Variants in RASA3 observed in about 807,000 individuals in gnomAD.
RASA3 encodes RAS p21 protein activator 3, also known as ras GTPase-activating protein 3.
In RASA3, 73 loss-of-function variants were observed where a neutral mutation model predicts 110.0. The ratio of observed to expected loss-of-function variants is 0.66; its 90% CI spans 0.55 to 0.81. RASA3 has a LOEUF of 0.81. Ranked by LOEUF, RASA3 falls within the 30% of genes least tolerant of loss-of-function variation. The probability of loss-of-function intolerance (pLI) is 0.00; values close to 1 mark genes in which losing one functional copy is unlikely to be tolerated. For synonymous variants in RASA3, 500 were observed against 451.4 expected, an observed-to-expected ratio of 1.11 and a Z score of -1.37; for missense variants, 976 against 1,113.2, an observed-to-expected ratio of 0.88 and a Z score of 1.75.
chr13:114,031,155 A>G (rs1249543951), intron 4 of RASA3, among the ~76,000 whole-genome samples: 2 of 147,100 alleles, frequency 1.4e-5, no homozygotes, highest in Non-Finnish European at 3.0e-5. Context: ...CTGTGTGTGC[A>G]TGCAGCTGTG....
chr13:114,025,843 G>C lies in RASA3; in HGVS notation c.604-1488C>G, dbSNP rs545030036. 4.8e-3 allele frequency among the ~76,000 whole-genome samples: 726 copies of C among 152,236 alleles called. 4 individuals are homozygous for C. In the Middle Eastern group the frequency reaches 0.051, roughly 11 times the overall value. ...AGGTGGCTGTCTGACCACAGCCCGC[G>C]GGGGATGTGCTCCCTCCCCGGGGCT... is the stretch of plus-strand genomic sequence containing the variant. On this transcript the variant is annotated intron_variant, in intron 7 of 23. Transcript: ENST00000334062.
intron 3 of RASA3, among the ~76,000 whole-genome samples, chr13:114,047,018 T>TTA (rs1335838604): frequency 2.6e-5 from 4 of 152,272 alleles, no homozygotes; most frequent in East Asian, 3.9e-4. Flanking sequence ...AGGCAAGACT[T>TTA]TCTTAGACAT....
chr13:114,036,000 T>C (rs2054271837), intron 4 of RASA3: 1 of 152,270 alleles, frequency 6.6e-6, no homozygotes, highest in Non-Finnish European at 1.5e-5. Context: ...CTTGGGCGGA[T>C]GGCAGACCCA....
intron 1 of RASA3, among the ~76,000 whole-genome samples, chr13:114,131,998 G>T (rs559653147): frequency 1.3e-5 from 2 of 152,278 alleles, no homozygotes; most frequent in Non-Finnish European, 2.9e-5. Flanking sequence ...GTTTCTGGGC[G>T]CAGCGGAGAA....
chr13:114,070,349 T>C (rs560904322), intron 2 of RASA3, among the ~76,000 whole-genome samples: 12 of 152,174 alleles, frequency 7.9e-5, no homozygotes, highest in African/African-American at 2.9e-4. Context: ...GCCTGACACC[T>C]GCCTCTCAGG....
chr13:114,040,873 CTCA>C (rs2054389928), intron 4 of RASA3, 124 bp downstream of exon 4: 1 of 871,418 alleles, frequency 1.1e-6, no homozygotes. Flanking sequence ...ACGCAATCTG[CTCA>C]TCGTTATTCC....
chr13:114,043,484 G>A (rs936373928), intron 3 of RASA3, among the ~76,000 whole-genome samples: 1 of 152,084 alleles, frequency 6.6e-6, no homozygotes, highest in African/African-American at 2.4e-5. Context: ...AGCCAGGGCC[G>A]GCCAGTTCCA....
At chr13:113,988,497 C>T (rs1304894900) in intron 22 of RASA3, among the ~76,000 whole-genome samples, 2 of 25,144 alleles carry the variant, frequency 8.0e-5, no homozygotes, top group Non-Finnish European at 1.3e-4. Context: ...CCCTTTGGTC[C>T]ATGAACCTAA....
intron 1 of RASA3, among the ~76,000 whole-genome samples, chr13:114,094,426 C>T (rs2079920607): frequency 6.6e-6 from 1 of 152,176 alleles, no homozygotes; most frequent in Non-Finnish European, 1.5e-5. Flanking sequence ...TGTGATATGT[C>T]ATTTGTGGCT....
intron 4 of RASA3, 141 bp downstream of exon 4, chr13:114,040,859 G>A (rs1295589375): frequency 3.7e-5 from 29 of 781,220 alleles, no homozygotes; most frequent in South Asian, 3.0e-4. Flanking sequence ...ACAAGTGGGC[G>A]AACACGCAAT....
At position 114,057,237 on chromosome 13, in the gene RASA3, T is replaced by C; in HGVS notation, c.174-5082A>G. Reference sequence around the variant, plus strand: ...AGTAATAAAGTTATTACTAACTTTGTTTCCTGCGGGTCACCTCAAGTCTTT... The same window carrying C: ...AGTAATAAAGTTATTACTAACTTTGCTTCCTGCGGGTCACCTCAAGTCTTT... On this transcript the variant is annotated intron_variant, in intron 2 of 23. Coordinates refer to ENST00000334062, the MANE Select transcript of RASA3 (RefSeq NM_007368.4). The surrounding 1 kb of genome is among the most constrained non-coding windows in gnomAD (Gnocchi z 5.0). 3 of 985,470 alleles carry C rather than the reference T, an allele frequency of 3.0e-6. No individual in the cohort carries two copies. Among genetic ancestry groups the C allele is most frequent in the Non-Finnish European group, 3.6e-6 (3 of 829,928 alleles). The allele number at this position is 985,470 out of a possible 1,614,324, so 61.0% of individuals were successfully genotyped here. A position where few individuals can be genotyped will look rare whatever the true frequency, so the allele number is the denominator to read the frequency against.
rs555042959 is a variant in RASA3, at chr13:114,059,488, G to A, written c.174-7333C>T. 9.2e-5 allele frequency among the ~76,000 whole-genome samples: 14 copies of A among 152,370 alleles called. No individual in the cohort carries two copies. In the South Asian group the frequency reaches 1.0e-3, roughly 11 times the overall value. On this transcript the variant is annotated intron_variant, in intron 2 of 23. Transcript: ENST00000334062. ...ACACGGGCCTTGCCGGGGGAAGCAC[G>A]ACTTTGAAGATGGGGACGTCCACGT...
intron 8 of RASA3, among the ~76,000 whole-genome samples, chr13:114,023,428 A>G (rs1437163707): frequency 1.3e-5 from 2 of 152,146 alleles, no homozygotes; most frequent in Non-Finnish European, 2.9e-5. Flanking sequence ...TCTGTCCAGC[A>G]TGGGAAGATT....
At chr13:114,023,779 G>A (rs1168288745) in intron 8 of RASA3, among the ~76,000 whole-genome samples, 3 of 152,240 alleles carry the variant, frequency 2.0e-5, no homozygotes, top group East Asian at 1.9e-4. Context: ...CAGCTTCTAT[G>A]ACCATACACA....
chr13:114,100,047 C>T (rs1276195948), intron 1 of RASA3, among the ~76,000 whole-genome samples: 3 of 148,872 alleles, frequency 2.0e-5, no homozygotes, highest in South Asian at 2.2e-4. Flanking sequence ...AGAAAAACTG[C>T]AGGTTTGCAA....
At chr13:114,073,445 A>G (rs1234607262) in intron 2 of RASA3, among the ~76,000 whole-genome samples, 1 of 139,168 alleles carries the variant, frequency 7.2e-6, no homozygotes, top group Non-Finnish European at 1.5e-5. Context: ...AAAATTCCCT[A>G]CACATGGGAA....
In RASA3 at chr13:114,057,372, G is replaced by A; in HGVS notation, c.174-5217C>T. The A allele has an allele frequency of 1.0e-6, 1 of 985,426 alleles. No homozygotes were observed. The highest frequency in any genetic ancestry group is 1.2e-6 in the Non-Finnish European group (1 of 829,938). The allele number at this position is 985,426 out of a possible 1,614,324, so 61.0% of individuals were successfully genotyped here. ...ATTCCCACGAGCTGGACGAGCAGAA[G>A]GCATTGCAGGGCAGTGGGGTCCGGA... On this transcript the variant is annotated intron_variant, in intron 2 of 23. Transcript: ENST00000334062. The surrounding 1 kb of genome is among the most constrained non-coding windows in gnomAD (Gnocchi z 5.0).
intron 1 of RASA3, among the ~76,000 whole-genome samples, chr13:114,089,302 G>A (rs1284671864): frequency 6.7e-6 from 1 of 148,678 alleles, no homozygotes; most frequent in Non-Finnish European, 1.5e-5. Flanking sequence ...GGGGAGGAGG[G>A]GGGGAGGAGG....
intron 4 of RASA3, among the ~76,000 whole-genome samples, chr13:114,034,733 ACAGAT>A (rs147624938): frequency 3.9e-5 from 6 of 152,364 alleles, no homozygotes; most frequent in African/African-American, 1.4e-4. Flanking sequence ...TAAATAACAC[ACAGAT>A]CAGAGAACGC....
Sources: allele counts gnomAD v4.1 joint callset (sites outside exome capture counted in the v4.1 genomes callset), GRCh38; gene constraint gnomAD v4.1.1; non-coding constraint Gnocchi (gnomAD v3.1); transcripts MANE v1.5; gene names NCBI Gene and HGNC (gene_info 2026-07-23, HGNC 2026-07-21).